Variants in AEN observed in about 807,000 individuals in gnomAD.
AEN encodes apoptosis enhancing nuclease, also known as apoptosis-enhancing nuclease.
In AEN, 21 loss-of-function variants were observed where a neutral mutation model predicts 17.7. That is an observed-to-expected ratio of 1.19 (90% CI 0.84 to 1.71). The LOEUF is 1.71. AEN is among the 40% of genes most tolerant of loss of function. The probability of loss-of-function intolerance (pLI) is 0.00; values close to 1 mark genes in which losing one functional copy is unlikely to be tolerated. For synonymous variants in AEN, 190 were observed against 173.0 expected (o/e 1.10, Z -0.77); for missense variants, 462 against 435.9 (o/e 1.06, Z -0.53).
chr15:88,609,449 C>T, the AEN span, among the ~76,000 whole-genome samples: 3 of 152,160 alleles, frequency 2.0e-5, no homozygotes, highest in African/African-American at 7.2e-5. Context: ...AATTAAGGCT[C>T]AGTTAATTGT....
At chr15:88,624,426 T>C (rs1444784975) in intron 1 of AEN, among the ~76,000 whole-genome samples, 1 of 152,148 alleles carries the variant, frequency 6.6e-6, no homozygotes, top group Non-Finnish European at 1.5e-5. Context: ...GGCTAGAGTC[T>C]AACCTCTCTG....
upstream of AEN, among the ~76,000 whole-genome samples, chr15:88,620,728 CTGT>C (rs1268450384): frequency 6.6e-6 from 1 of 152,128 alleles, no homozygotes; most frequent in Non-Finnish European, 1.5e-5. Flanking sequence ...ACTGAATTTT[CTGT>C]TAACCTTGCT....
chr15:88,608,169 G>T, the AEN span: 1 of 531,670 alleles, frequency 1.9e-6, no homozygotes, highest in Non-Finnish European at 3.9e-6. Context: ...ACCAATAAGA[G>T]GATGCCATTT....
chr15:88,625,251 G>A (rs1017994420), intron 1 of AEN, among the ~76,000 whole-genome samples: 3 of 152,186 alleles, frequency 2.0e-5, no homozygotes, highest in African/African-American at 7.2e-5. Flanking sequence ...TGGACACGGT[G>A]GCTCATACTT....
At position 88,630,419 on chromosome 15, in the gene AEN, G is replaced by C. The variant is rs2057914110; in HGVS notation, c.*125G>C. ...ATGCAGTGAGCCAGCCCCAGGGCCAGAGGAGTAGGGGTCATCTGTTACCTT... is the reference window on the plus strand; with the variant it reads ...ATGCAGTGAGCCAGCCCCAGGGCCACAGGAGTAGGGGTCATCTGTTACCTT... On this transcript the variant is annotated 3_prime_UTR_variant, in exon 4 of 4. Transcript: ENST00000332810. This position sits in a 1 kb window ranked among gnomAD's most constrained non-coding sequence, Gnocchi z 5.1. 1.2e-6 allele frequency: 1 copy of C among 838,274 alleles called. No individual in the cohort carries two copies. Among genetic ancestry groups the C allele is most frequent in the Admixed American group, 2.3e-5 (1 of 42,558 alleles). 51.9% of individuals were successfully genotyped at this position (838,274 alleles called of 1,614,324 possible). A position where few individuals can be genotyped will look rare whatever the true frequency, so the allele number is the denominator to read the frequency against.
At chr15:88,617,179 C>T (rs1223583234), upstream of AEN, among the ~76,000 whole-genome samples, 1 of 152,148 alleles carries the variant, frequency 6.6e-6, no homozygotes, top group Non-Finnish European at 1.5e-5. Flanking sequence ...TCTCAAACTC[C>T]TGCCCTTCTC....
chr15:88,614,167 C>A, the AEN span, among the ~76,000 whole-genome samples: 1 of 152,152 alleles, frequency 6.6e-6, no homozygotes, highest in East Asian at 1.9e-4. Context: ...CTCTTGGTCA[C>A]TCAGCAAAAT....
chr15:88,614,793 C>T, the AEN span, among the ~76,000 whole-genome samples: 29 of 152,196 alleles, frequency 1.9e-4, no homozygotes, highest in Non-Finnish European at 2.9e-5. Flanking sequence ...AAAAACCTTC[C>T]TGTTCAGGCC....
At position 88,624,942 on chromosome 15, in the gene AEN, T is replaced by C. The variant is rs75289189; in HGVS notation, c.-64-1204T>C. Among the ~76,000 whole-genome samples the C allele has an allele frequency of 6.6e-3, 1,006 of 152,256 alleles. 4 individuals carry two copies. The highest frequency in any genetic ancestry group is 0.012 in the Non-Finnish European group (797 of 68,026). ...CTTCAAAGCCCTAGTTTGTTTGATCTGTTAAAAATGTACTGACTGACTTGG... is the reference window on the plus strand; with the variant it reads ...CTTCAAAGCCCTAGTTTGTTTGATCCGTTAAAAATGTACTGACTGACTTGG... On this transcript the variant is annotated intron_variant, in intron 1 of 3. Coordinates refer to ENST00000332810, the MANE Select transcript of AEN (RefSeq NM_022767.4).
chr15:88,617,344 C>T (rs1202980142), upstream of AEN, among the ~76,000 whole-genome samples: 2 of 152,146 alleles, frequency 1.3e-5, 1 homozygote, highest in African/African-American at 4.8e-5. Flanking sequence ...ACCTCTATCT[C>T]CGGGGTGCAG....
chr15:88,611,514 C>T, the AEN span, among the ~76,000 whole-genome samples: 35 of 151,032 alleles, frequency 2.3e-4, no homozygotes, highest in African/African-American at 7.1e-4. Flanking sequence ...CTTGAACACT[C>T]GAGTCTGGAA....
Position 88,626,452 on chromosome 15 carries a change from G to T in AEN, c.243G>T (p.Lys81Asn). 6.2e-7 allele frequency: 1 copy of T among 1,613,874 alleles called. No homozygotes were observed. The highest frequency in any genetic ancestry group is 1.3e-5 in the African/African-American group (1 of 75,078). ...CAACTGAAGCTGCCAGCAGTGGGAA[G>T]CAGTGTCTGAGGGCTGGATCTGGCA... ...ATATEAASSG[K>N]QCLRAGSGSA... The change falls in exon 2 of 4, where the codon AAG (lysine) becomes AAT (asparagine). Residue 81 changes from lysine (K) to asparagine (N), a missense_variant. By Grantham distance (94) the Lys-to-Asn change is moderately conservative. Coordinates refer to ENST00000332810, the MANE Select transcript of AEN (RefSeq NM_022767.4).
At chr15:88,629,599 TG>T (rs1354482752) in intron 3 of AEN, among the ~76,000 whole-genome samples, 173 bp downstream of exon 3, 3 of 152,278 alleles carry the variant, frequency 2.0e-5, no homozygotes, top group East Asian at 3.9e-4. Flanking sequence ...CAGCTCCAGG[TG>T]TTTCTCTCCA....
intron 1 of AEN, among the ~76,000 whole-genome samples, chr15:88,623,250 C>T (rs1239022238): frequency 6.6e-6 from 1 of 152,158 alleles, no homozygotes; most frequent in Non-Finnish European, 1.5e-5. Flanking sequence ...GACCTTTTCT[C>T]CTGGAAAGGA....
At chr15:88,617,562 A>G (rs965076440), upstream of AEN, among the ~76,000 whole-genome samples, 2 of 152,146 alleles carry the variant, frequency 1.3e-5, no homozygotes, top group African/African-American at 4.8e-5. Context: ...CTTCATTTTT[A>G]AAGTACATGA....
In AEN at chr15:88,630,992, A is replaced by G. The variant is rs371132509; in HGVS notation, c.*698A>G. 8.3e-4 allele frequency: 326 copies of G among 394,012 alleles called. 1 individual carries two copies. Among genetic ancestry groups the G allele is most frequent in the African/African-American group, 6.0e-3 (290 of 48,306 alleles). 24.4% of individuals were successfully genotyped at this position (394,012 alleles called of 1,614,324 possible). A position where few individuals can be genotyped will look rare whatever the true frequency, so the allele number is the denominator to read the frequency against. On this transcript the variant is annotated 3_prime_UTR_variant, in exon 4 of 4. Coordinates refer to ENST00000332810, the MANE Select transcript of AEN (RefSeq NM_022767.4). The surrounding 1 kb of genome is among the most constrained non-coding windows in gnomAD (Gnocchi z 5.1). ...TCTCGTGGGGAGTTGGCTCCTTAAC[A>G]TTTCTTGGCAACAGAAAGCCCCAGG...
At chr15:88,626,833 C>G in intron 2 of AEN, 84 bp downstream of exon 2, 1 of 1,467,744 alleles carries the variant, frequency 6.8e-7, no homozygotes, top group Non-Finnish European at 9.2e-7. Flanking sequence ...CTTTGCTTCA[C>G]TGGGGGCAAG....
chr15:88,618,016 G>A (rs781751804), upstream of AEN, among the ~76,000 whole-genome samples: 38 of 152,078 alleles, frequency 2.5e-4, 1 homozygote, highest in African/African-American at 7.0e-4. Flanking sequence ...TGTCACTCTC[G>A]TTCATCCCAC....
chr15:88,629,470 G>T (rs752585506), intron 3 of AEN, 44 bp downstream of exon 3: 11 of 1,594,240 alleles, frequency 6.9e-6, no homozygotes, highest in Non-Finnish European at 9.4e-6. Context: ...GGCCCGCCTG[G>T]CCTCCATGCC....
Sources: gnomAD v4.1 joint callset for allele counts (sites outside exome capture counted in the v4.1 genomes callset) on GRCh38, gnomAD v4.1.1 for gene constraint, Gnocchi (gnomAD v3.1) non-coding constraint, MANE v1.5 for transcripts, NCBI Gene and HGNC (gene_info 2026-07-23, HGNC 2026-07-21) for gene names.